ACACB: variants seen among roughly 807,000 people sequenced by gnomAD.
ACACB encodes the protein acetyl-CoA carboxylase 2.
A neutral mutation model predicts 278.8 loss-of-function variants in ACACB; 209 were observed. The observed-to-expected ratio is 0.75, with a 90% CI of 0.67 to 0.84. The LOEUF is 0.84. Among genes scored for constraint, ACACB ranks in the 40% least tolerant of loss-of-function variants. The pLI, the probability that ACACB is intolerant of heterozygous loss-of-function variation, is 0.00. For synonymous variants in ACACB, 1,174 were observed against 1,285.6 expected (o/e 0.91, Z 1.86); for missense variants, 2,850 against 3,269.0 (o/e 0.87, Z 3.13).
chr12:109,245,761 C>T lies in ACACB; in HGVS notation c.5301+13C>T, dbSNP rs775093755. On this transcript the variant is annotated intron_variant, in intron 38 of 52. Coordinates refer to ENST00000338432, the MANE Select transcript of ACACB (RefSeq NM_001093.4). Reference sequence around the variant, plus strand: ...TGGTGGAAATGAGGTAATAGCTCAGCGGAGCCTAACCCCTGGCTGGAGTCA... The same window carrying T: ...TGGTGGAAATGAGGTAATAGCTCAGTGGAGCCTAACCCCTGGCTGGAGTCA... 2.4e-5 allele frequency: 38 copies of T among 1,612,950 alleles called. No individual in the cohort carries two copies. The highest frequency in any genetic ancestry group is 1.6e-4 in the Middle Eastern group (1 of 6,074).
In ACACB at chr12:109,139,512, A is replaced by T. The variant is rs766749273; in HGVS notation, c.107A>T (p.Lys36Ile). 7 of 1,614,030 alleles carry T rather than the reference A, an allele frequency of 4.3e-6. No homozygotes were observed. In the Admixed American group the frequency reaches 1.2e-4, roughly 27 times the overall value. Reference protein sequence around the residue: ...MTDSKPITKSKSEANLIPSQE... With the variant: ...MTDSKPITKSISEANLIPSQE... ...GACTCCAAGCCGATCACCAAGAGTA[A>T]ATCAGAAGCAAACCTCATCCCGAGC... is the stretch of plus-strand genomic sequence containing the variant. The change falls in exon 2 of 53, where the codon AAA becomes ATA. Residue 36 changes from lysine to isoleucine, a missense_variant. Lys to Ile is a moderately radical substitution (Grantham distance 102). Around this residue, in one of 3 missense-constraint regions of ACACB, gnomAD observed 2,265 missense variants for 2,561.3 expected, o/e 0.88. Coordinates refer to ENST00000338432, the MANE Select transcript of ACACB (RefSeq NM_001093.4).
chr12:109,210,156 C>CAT (rs1491354591), intron 21 of ACACB, among the ~76,000 whole-genome samples: 2 of 45,096 alleles, frequency 4.4e-5, no homozygotes, highest in African/African-American at 1.1e-4. Context: ...TATATACACA[C>CAT]GTGTGTATAT....
chr12:109,242,829 G>A lies in ACACB; in HGVS notation c.5178+237G>A, dbSNP rs1401816030. Among the ~76,000 whole-genome samples, 4 of 152,200 alleles carry A rather than the reference G, an allele frequency of 2.6e-5. 1 individual carries two copies. The highest frequency in any genetic ancestry group is 9.7e-5 in the African/African-American group (4 of 41,438). On this transcript the variant is annotated intron_variant, in intron 37 of 52. Transcript: ENST00000338432. ...AAATATACAAAAATTAACCGGGCGT[G>A]GTGGCGCATGCCTGTAGTCCCAGCT...
At chr12:109,206,577 T>C (rs2045521008) in intron 19 of ACACB, 133 bp from the exon 20 acceptor site, 1 of 1,129,774 alleles carries the variant, frequency 8.9e-7, no homozygotes, top group East Asian at 2.4e-5. Context: ...TTCATTGTCT[T>C]TGATTTTTTC....
At chr12:109,215,697 G>A (rs111347097) in intron 22 of ACACB, among the ~76,000 whole-genome samples, 14,936 of 152,108 alleles carry the variant, frequency 0.098, 1,010 homozygotes, top group African/African-American at 0.19. Flanking sequence ...CCCGGGAGGT[G>A]GAGCTTGCAG....
chr12:109,199,836 A>G (rs1593537177), intron 18 of ACACB, among the ~76,000 whole-genome samples: 1 of 151,992 alleles, frequency 6.6e-6, no homozygotes, highest in Admixed American at 6.6e-5. Context: ...ACATGGTGAA[A>G]CCCCGTCTCT....
At position 109,210,905 on chromosome 12, in the gene ACACB, C is replaced by T. The variant is rs1356339175; in HGVS notation, c.3249+1552C>T. Among the ~76,000 whole-genome samples, 6 of 150,334 alleles carry T rather than the reference C, an allele frequency of 4.0e-5. No homozygotes were observed. In the East Asian group the frequency reaches 1.2e-3, roughly 29 times the overall value. On this transcript the variant is annotated intron_variant, in intron 21 of 52. Coordinates refer to ENST00000338432, the MANE Select transcript of ACACB (RefSeq NM_001093.4). The stretch of plus-strand genomic sequence containing the variant: ...CTCCAGAAAAAAAAAAAAGAATGTA[C>T]TGAGATGTCTTATCATAATCATAGT...
In ACACB at chr12:109,267,268, A is replaced by G. The variant is rs2047540202; in HGVS notation, c.*906A>G. ...ACTAGGAGGGTCCCACTGATAGGCC[A>G]TGTTTAGCACTGGTTGCCAGGGATT... On this transcript the variant is annotated 3_prime_UTR_variant, in exon 53 of 53. Transcript: ENST00000338432. 1 of 152,208 alleles carries G rather than the reference A, an allele frequency of 6.6e-6. No individual in the cohort carries two copies. The highest frequency in any genetic ancestry group is 1.5e-5 in the Non-Finnish European group (1 of 68,034). The allele number at this position is 152,208 out of a possible 1,614,324, so 9.4% of individuals were successfully genotyped here. A position where few individuals can be genotyped will look rare whatever the true frequency, so the allele number is the denominator to read the frequency against.
At chr12:109,259,573 A>C (rs1477393153) in intron 47 of ACACB, among the ~76,000 whole-genome samples, 2 of 136,280 alleles carry the variant, frequency 1.5e-5, no homozygotes, top group Admixed American at 8.0e-5. Flanking sequence ...CAAAAAAAAA[A>C]ACAAAAAAAC....
upstream of ACACB, among the ~76,000 whole-genome samples, chr12:109,114,105 G>A (rs1036243552): frequency 1.3e-5 from 2 of 152,060 alleles, no homozygotes; most frequent in African/African-American, 4.8e-5. Flanking sequence ...TCAGCCTCCT[G>A]AGCAGCTGGG....
intron 38 of ACACB, 112 bp downstream of exon 38, chr12:109,245,860 G>A: frequency 7.3e-7 from 1 of 1,365,496 alleles, no homozygotes. Context: ...AGGCCAAGGT[G>A]GGTGGATCAC....
At chr12:109,137,241 C>T (rs1388825026) in intron 1 of ACACB, among the ~76,000 whole-genome samples, 2 of 151,798 alleles carry the variant, frequency 1.3e-5, no homozygotes, top group Non-Finnish European at 2.9e-5. Flanking sequence ...TAGAAAATAG[C>T]CTTGGCAACA....
chr12:109,258,344 A>G lies in ACACB; in HGVS notation c.6340A>G (p.Asn2114Asp), dbSNP rs751311068. Residue 2114 changes from asparagine to aspartate, a missense_variant, in exon 46 of 53, where the codon AAC (asparagine) becomes GAC (aspartate). Physicochemically the swap from Asn to Asp is conservative, Grantham distance 23. Transcript: ENST00000338432. ...GGTGGCAGTCCCTGCAGACCCTGCC[A>G]ACCTGGATTCTGAGGCCAAGGTGAG... ...VEVAVPADPA[N>D]LDSEAKIIQQ... 5 of 1,611,986 alleles carry G rather than the reference A, an allele frequency of 3.1e-6. No individual in the cohort carries two copies. The highest frequency in any genetic ancestry group is 3.4e-6 in the Non-Finnish European group (4 of 1,179,812).
intron 7 of ACACB, 136 bp from the exon 8 acceptor site, chr12:109,175,795 G>A: frequency 3.0e-6 from 2 of 674,476 alleles, no homozygotes; most frequent in Admixed American, 5.4e-5. Flanking sequence ...GTGAGAAGCT[G>A]AAGGGAGTGT....
intron 24 of ACACB, among the ~76,000 whole-genome samples, chr12:109,218,746 C>T (rs961995597): frequency 2.7e-5 from 4 of 149,944 alleles, no homozygotes; most frequent in African/African-American, 9.8e-5. Flanking sequence ...CTCCGCCTCC[C>T]GGGTTCTATC....
At position 109,180,431 on chromosome 12, in the gene ACACB, T is replaced by A. The variant is rs549079823; in HGVS notation, c.1818+344T>A. On this transcript the variant is annotated intron_variant, in intron 11 of 52. Coordinates refer to ENST00000338432, the MANE Select transcript of ACACB (RefSeq NM_001093.4). Reference sequence around the variant, plus strand: ...CCTGTTTGGATATTGTAGATATATCTGTGCTTTATTCATGAAAAGAGTGAG... The same window carrying A: ...CCTGTTTGGATATTGTAGATATATCAGTGCTTTATTCATGAAAAGAGTGAG... Among the ~76,000 whole-genome samples the A allele has an allele frequency of 1.3e-4, 20 of 152,344 alleles. No homozygotes were observed. The South Asian group carries it at 4.1e-3, about 32-fold the overall frequency.
intron 39 of ACACB, 36 bp downstream of exon 39, chr12:109,246,484 C>T (rs1418643901): frequency 6.3e-7 from 1 of 1,598,372 alleles, no homozygotes; most frequent in Non-Finnish European, 8.5e-7. Context: ...GGTGATTCTG[C>T]TCAGCTACTA....
chr12:109,112,327 C>T (rs1428706637), upstream of ACACB, among the ~76,000 whole-genome samples: 2 of 148,500 alleles, frequency 1.3e-5, no homozygotes, highest in Admixed American at 6.7e-5. Context: ...GAACTTTAGT[C>T]ATGTGGTGAC....
intron 7 of ACACB, among the ~76,000 whole-genome samples, chr12:109,175,551 G>C (rs996534326): frequency 5.9e-5 from 9 of 152,064 alleles, no homozygotes; most frequent in Admixed American, 5.9e-4. Flanking sequence ...GAGTAGCTGG[G>C]ACTACAGGCC....
Sources: gnomAD v4.1 joint callset for allele counts (sites outside exome capture counted in the v4.1 genomes callset) on GRCh38, gnomAD v4.1.1 for gene constraint, gnomAD v4.1.1 regional missense constraint, MANE v1.5 for transcripts, NCBI Gene and HGNC (gene_info 2026-07-23, HGNC 2026-07-21) for gene names.